The following GPR35 variants were observed in gnomAD, a reference collection of about 807,000 sequenced individuals.
The protein encoded by GPR35 is G protein-coupled receptor 35, also known as KYNA receptor.
For synonymous variants in GPR35, 207 were observed against 198.4 expected (o/e 1.04, Z -0.36); for missense variants, 372 against 422.5 (o/e 0.88, Z 1.05).
intron 5 of GPR35, among the ~76,000 whole-genome samples, chr2:240,619,876 G>A (rs1391237424): frequency 6.6e-6 from 1 of 152,192 alleles, no homozygotes; most frequent in Non-Finnish European, 1.5e-5. Flanking sequence ...TAGGAGCGGG[G>A]CTCTTGGACA....
intron 4 of GPR35, among the ~76,000 whole-genome samples, chr2:240,618,432 T>G (rs2043260054): frequency 6.6e-6 from 1 of 152,254 alleles, no homozygotes; most frequent in African/African-American, 2.4e-5. Context: ...CCATTCTTTC[T>G]TGTTGTCAGG....
chr2:240,629,492 C>T (rs2043414630), intron 1 of GPR35: 1 of 158,228 alleles, frequency 6.3e-6, no homozygotes, highest in Admixed American at 6.2e-5. Context: ...AGGGGCCACC[C>T]TGGGCTTTGT....
upstream of GPR35, among the ~76,000 whole-genome samples, chr2:240,623,369 C>T (rs2043324922): frequency 8.3e-6 from 1 of 120,930 alleles, no homozygotes; most frequent in African/African-American, 2.8e-5. Context: ...CGTGAGGGCG[C>T]AAACAGGTCG....
At chr2:240,613,466 G>A (rs924784563) in intron 2 of GPR35, among the ~76,000 whole-genome samples, 2 of 152,048 alleles carry the variant, frequency 1.3e-5, no homozygotes, top group African/African-American at 4.8e-5. Context: ...CAACCCTAAT[G>A]CTAATCATAA....
upstream of GPR35, among the ~76,000 whole-genome samples, chr2:240,624,430 C>T (rs2043345488): frequency 6.6e-6 from 1 of 152,180 alleles, no homozygotes; most frequent in Non-Finnish European, 1.5e-5. Context: ...CCCGGGATGA[C>T]AGCAGAGAAG....
chr2:240,623,435 CGTG>C (rs2043328599), upstream of GPR35, among the ~76,000 whole-genome samples: 1 of 71,442 alleles, frequency 1.4e-5, no homozygotes, highest in African/African-American at 5.9e-5. Context: ...GCAAACAGGT[CGTG>C]AGGGCGCAAA....
intron 2 of GPR35, among the ~76,000 whole-genome samples, chr2:240,612,957 G>T (rs556411980): frequency 6.6e-6 from 1 of 152,242 alleles, no homozygotes; most frequent in Non-Finnish European, 1.5e-5. Flanking sequence ...ACATAACCCA[G>T]CCTCAGCTGC....
chr2:240,625,782 A>G (rs371269474), intron 1 of GPR35, among the ~76,000 whole-genome samples: 430 of 9,836 alleles, frequency 0.044, 1 homozygote, highest in African/African-American at 0.065. Flanking sequence ...GTCTCAGAGC[A>G]GGGTGAGGCT....
At chr2:240,617,249 T>C (rs1318414567) in exon 4 of GPR35, 10 of 689,080 alleles carry the variant, frequency 1.5e-5, no homozygotes, top group African/African-American at 3.6e-5. Flanking sequence ...CTGAGCCTTC[T>C]GATGAGACTG....
upstream of GPR35, among the ~76,000 whole-genome samples, chr2:240,622,879 G>A (rs1439174459): frequency 6.6e-6 from 1 of 152,242 alleles, no homozygotes; most frequent in Non-Finnish European, 1.5e-5. Context: ...GTGCCCCCGT[G>A]CCCACAGCAG....
intron 2 of GPR35, among the ~76,000 whole-genome samples, chr2:240,609,031 C>T (rs532700965): frequency 2.0e-5 from 3 of 152,194 alleles, no homozygotes; most frequent in African/African-American, 7.2e-5. Flanking sequence ...TACTAATATT[C>T]TTGTATTATT....
chr2:240,631,114 C>T lies in GPR35; in HGVS notation c.*232C>T. ...GCCAGAGCAAGGCCAATGTCAGAGA[C>T]CCCCGGGATGGGGCCTCACACTTGC... On this transcript the variant is annotated 3_prime_UTR_variant, in exon 2 of 2. Coordinates refer to ENST00000407714, the MANE Select transcript of GPR35 (RefSeq NM_005301.5). The T allele has an allele frequency of 1.7e-6, 1 of 573,826 alleles. No homozygotes were observed. The highest frequency in any genetic ancestry group is 3.2e-6 in the Non-Finnish European group (1 of 313,580). The allele number at this position is 573,826 out of a possible 1,614,324, so 35.5% of individuals were successfully genotyped here.
exon 4 of GPR35, chr2:240,617,366 CTG>C (rs1167474782): frequency 1.5e-6 from 1 of 654,098 alleles, no homozygotes; most frequent in Non-Finnish European, 2.8e-6. Context: ...AGATAAAACT[CTG>C]TGGTTTTAAT....
Position 240,631,028 on chromosome 2 carries a change from G to A in GPR35, c.*146G>A, listed in dbSNP as rs558199503. 14 of 680,506 alleles carry A rather than the reference G, an allele frequency of 2.1e-5. No homozygotes were observed. The East Asian group carries it at 2.2e-4, about 11-fold the overall frequency. 42.2% of individuals were successfully genotyped at this position (680,506 alleles called of 1,614,324 possible). A position where few individuals can be genotyped will look rare whatever the true frequency, so the allele number is the denominator to read the frequency against. On this transcript the variant is annotated 3_prime_UTR_variant, in exon 2 of 2. Coordinates refer to ENST00000407714, the MANE Select transcript of GPR35 (RefSeq NM_005301.5). ...CTTGGAGCCTTGGGTGGGCAGGGAC[G>A]GCCCAGGTACCTGCTCTCTTGGGAA... is the stretch of plus-strand genomic sequence containing the variant.
exon 5 of GPR35, chr2:240,618,950 G>A: frequency 2.8e-6 from 2 of 702,558 alleles, no homozygotes; most frequent in Non-Finnish European, 5.2e-6. Context: ...GAGATGCTGA[G>A]TGGTTCCCGG....
At chr2:240,610,869 C>G (rs958228083) in intron 2 of GPR35, among the ~76,000 whole-genome samples, 26 of 151,462 alleles carry the variant, frequency 1.7e-4, no homozygotes, top group African/African-American at 6.1e-4. Context: ...CTCCTGACCT[C>G]GTGATCTGCC....
At chr2:240,623,517 GGTGCA>G (rs2125484188), upstream of GPR35, among the ~76,000 whole-genome samples, 1 of 150,600 alleles carries the variant, frequency 6.6e-6, no homozygotes, top group East Asian at 2.0e-4. Flanking sequence ...AGGTCGTGAG[GGTGCA>G]GCTTTGGGGA....
chr2:240,607,868 TTTC>T (rs1162964081), intron 2 of GPR35, among the ~76,000 whole-genome samples: 15 of 151,918 alleles, frequency 9.9e-5, no homozygotes, highest in Non-Finnish European at 1.5e-5. Flanking sequence ...CCTCCTCTTC[TTTC>T]TTCTTTCTTC....
chr2:240,621,788 C>T (rs890800838), upstream of GPR35, among the ~76,000 whole-genome samples: 1 of 152,158 alleles, frequency 6.6e-6, no homozygotes, highest in African/African-American at 2.4e-5. Context: ...GGGGGAACAC[C>T]CCAGCTTTAA....
Sources: gnomAD v4.1 joint callset for allele counts (sites outside exome capture counted in the v4.1 genomes callset) on GRCh38, gnomAD v4.1.1 for gene constraint, MANE v1.5 for transcripts, NCBI Gene and HGNC (gene_info 2026-07-23, HGNC 2026-07-21) for gene names.